Variants in CLEC12A observed in about 807,000 individuals in gnomAD.
CLEC12A encodes the protein C-type lectin protein CLL-1.
In CLEC12A, 22 loss-of-function variants were observed where a neutral mutation model predicts 26.5. The observed-to-expected ratio is 0.83, with a 90% CI of 0.59 to 1.19. The LOEUF (loss-of-function observed/expected upper bound fraction) is 1.19, where lower values mean the gene tolerates loss of function less well. Ranked by LOEUF, CLEC12A falls within the 50% of genes most tolerant of loss-of-function variation. The probability of loss-of-function intolerance (pLI) is 0.00; values close to 1 mark genes in which losing one functional copy is unlikely to be tolerated. For synonymous variants in CLEC12A, 119 were observed against 101.9 expected, an observed-to-expected ratio of 1.17 and a Z score of -1.01; for missense variants, 353 against 315.6, an observed-to-expected ratio of 1.12 and a Z score of -0.90.
chr12:9,960,945 G>A (rs1168573933), intron 1 of CLEC12A, among the ~76,000 whole-genome samples: 2 of 152,148 alleles, frequency 1.3e-5, no homozygotes, highest in African/African-American at 4.8e-5. Flanking sequence ...TATTTGAAGA[G>A]ATTTATTCTG....
In CLEC12A at chr12:9,985,471, T is replaced by C. The variant is rs189977978; in HGVS notation, c.*445T>C. 1.5e-5 allele frequency: 6 copies of C among 399,020 alleles called. No homozygotes were observed. Among genetic ancestry groups the C allele is most frequent in the African/African-American group, 1.2e-4 (6 of 48,764 alleles). 24.7% of individuals were successfully genotyped at this position (399,020 alleles called of 1,614,324 possible). On this transcript the variant is annotated 3_prime_UTR_variant, in exon 6 of 6. Coordinates refer to ENST00000304361, the MANE Select transcript of CLEC12A (RefSeq NM_138337.6). ...GGACTCCCTATGGCTGAAGGCCTTA[T>C]GAGTCAAAGGACTTATAGCCAATTG...
chr12:9,996,010 G>A (rs35890903), downstream of CLEC12A, among the ~76,000 whole-genome samples: 10,205 of 152,198 alleles, frequency 0.067, 413 homozygotes, highest in Middle Eastern at 0.088. Flanking sequence ...ACAAAATTAT[G>A]TGAAGGCCAA....
intron 5 of CLEC12A, among the ~76,000 whole-genome samples, chr12:9,982,780 T>A (rs1401606769): frequency 6.6e-6 from 1 of 152,160 alleles, no homozygotes; most frequent in East Asian, 1.9e-4. Flanking sequence ...TCTCATTCTT[T>A]ATTTTCTTCC....
At chr12:9,976,865 T>C (rs1178286582) in intron 1 of CLEC12A, among the ~76,000 whole-genome samples, 3 of 152,120 alleles carry the variant, frequency 2.0e-5, no homozygotes, top group Non-Finnish European at 4.4e-5. Context: ...AGTGAATAAG[T>C]GTCATGAGAT....
chr12:9,980,762 G>T, intron 4 of CLEC12A, 29 bp downstream of exon 4: 2 of 1,608,498 alleles, frequency 1.2e-6, no homozygotes, highest in Non-Finnish European at 1.7e-6. Context: ...TACCATCATG[G>T]GATAGAGAGG....
intron 1 of CLEC12A, among the ~76,000 whole-genome samples, chr12:9,960,980 G>A (rs190990926): frequency 6.6e-5 from 10 of 152,156 alleles, no homozygotes; most frequent in Admixed American, 2.6e-4. Context: ...GACCATGCCC[G>A]TGACACAGCC....
chr12:9,981,836 T>C (rs552142553), intron 4 of CLEC12A, among the ~76,000 whole-genome samples, 184 bp from the exon 5 acceptor site: 1 of 152,304 alleles, frequency 6.6e-6, no homozygotes, highest in South Asian at 2.1e-4. Flanking sequence ...AATGATATTG[T>C]TAAAAATATT....
At chr12:9,990,183 G>C (rs2137222874), downstream of CLEC12A, among the ~76,000 whole-genome samples, 1 of 152,268 alleles carries the variant, frequency 6.6e-6, no homozygotes, top group South Asian at 2.1e-4. Context: ...AAATCAAGGA[G>C]TAATTTTGAC....
intron 4 of CLEC12A, among the ~76,000 whole-genome samples, chr12:9,981,593 C>A (rs1864560396): frequency 6.6e-6 from 1 of 152,120 alleles, no homozygotes; most frequent in African/African-American, 2.4e-5. Flanking sequence ...AAATTCTGGA[C>A]TGGTTCTGAA....
downstream of CLEC12A, chr12:9,997,011 C>A: frequency 1.2e-6 from 2 of 1,613,586 alleles, no homozygotes; most frequent in Middle Eastern, 1.7e-4. Context: ...CTGGAGAAAC[C>A]AAGCACAGGA....
intron 1 of CLEC12A, chr12:9,952,860 G>T (rs919732461): frequency 2.8e-5 from 3 of 107,756 alleles, no homozygotes; most frequent in African/African-American, 7.7e-5. Flanking sequence ...GCCTCTGCCC[G>T]GCCGAGACCC....
intron 1 of CLEC12A, chr12:9,953,326 GCCCA>G (rs1863671894): frequency 4.2e-5 from 1 of 24,006 alleles, no homozygotes; most frequent in Non-Finnish European, 7.5e-5. Flanking sequence ...CAGCCCCCCC[GCCCA>G]GCCAGCTGCC....
chr12:9,994,016 A>G (rs1290619492), intron 4 of CLEC12A, among the ~76,000 whole-genome samples: 2 of 152,118 alleles, frequency 1.3e-5, no homozygotes, highest in African/African-American at 2.4e-5. Context: ...AAAATAGACA[A>G]GAAAAATTGA....
intron 1 of CLEC12A, among the ~76,000 whole-genome samples, chr12:9,959,398 G>A (rs1301093941): frequency 2.0e-5 from 3 of 151,302 alleles, no homozygotes; most frequent in South Asian, 2.1e-4. Context: ...GTTGCAGTGA[G>A]TAGAGATTGT....
exon 5 of CLEC12A, chr12:9,995,435 A>G (rs867299312): frequency 1.4e-5 from 8 of 565,274 alleles, no homozygotes; most frequent in Middle Eastern, 5.7e-4. Flanking sequence ...AAAAACTTAT[A>G]GGACACAGGT....
At chr12:9,996,658 G>A (rs2137240789), downstream of CLEC12A, 1 of 707,782 alleles carries the variant, frequency 1.4e-6, no homozygotes, top group East Asian at 2.7e-5. Flanking sequence ...AACTCTATCA[G>A]TGTTGTAGAA....
downstream of CLEC12A, chr12:9,998,290 C>T (rs751313864): frequency 2.5e-5 from 40 of 1,613,676 alleles, no homozygotes; most frequent in South Asian, 4.2e-4. Flanking sequence ...ACACCAAATC[C>T]CCAGAGCCAC....
At chr12:9,998,558 A>G (rs539387165), downstream of CLEC12A, among the ~76,000 whole-genome samples, 6 of 131,166 alleles carry the variant, frequency 4.6e-5, 1 homozygote, top group Admixed American at 1.5e-4. Context: ...GCCCACCCCT[A>G]TACCATACAT....
intron 4 of CLEC12A, among the ~76,000 whole-genome samples, chr12:9,981,088 T>C (rs563577610): frequency 6.6e-6 from 1 of 152,318 alleles, no homozygotes; most frequent in African/African-American, 2.4e-5. Context: ...AGCAATTCCA[T>C]AAGAACTACA....
Sources: gnomAD v4.1 joint callset for allele counts (sites outside exome capture counted in the v4.1 genomes callset) on GRCh38, gnomAD v4.1.1 for gene constraint, MANE v1.5 for transcripts, NCBI Gene and HGNC (gene_info 2026-07-23, HGNC 2026-07-21) for gene names.